The following ZNF486 variants were observed in gnomAD, a reference collection of about 807,000 sequenced individuals.
The protein encoded by ZNF486 is zinc finger protein 486, also known as KRAB box only protein 2.
Under a neutral mutation model 12.8 loss-of-function variants are expected in ZNF486, and 12 were observed. The observed-to-expected ratio is 0.94, with a 90% CI of 0.60 to 1.52. The LOEUF (loss-of-function observed/expected upper bound fraction) is 1.52. ZNF486 is among the 40% of genes most tolerant of loss of function. The pLI, the probability that ZNF486 is intolerant of heterozygous loss-of-function variation, is 0.00. For synonymous variants in ZNF486, 231 were observed against 184.9 expected, an observed-to-expected ratio of 1.25 and a Z score of -2.02; for missense variants, 738 against 545.0, an observed-to-expected ratio of 1.35 and a Z score of -3.53.
chr19:20,169,393 GCCACCGC>G (rs1326036634), intron 1 of ZNF486, among the ~76,000 whole-genome samples: 3 of 152,158 alleles, frequency 2.0e-5, no homozygotes, highest in Non-Finnish European at 2.9e-5. Flanking sequence ...ACATGCTTGC[GCCACCGC>G]GCCCGGCCAA....
At chr19:20,186,734 T>C (rs2122661926) in intron 3 of ZNF486, among the ~76,000 whole-genome samples, 1 of 151,870 alleles carries the variant, frequency 6.6e-6, no homozygotes, top group East Asian at 1.9e-4. Flanking sequence ...TCACTCTGGT[T>C]AATACGGCAA....
rs10408369 is a variant in ZNF486 at position 20,195,574 on chromosome 19, C to T, written c.254-1390C>T. ...GGGCCATGTTCTAATATTTGGTATA[C>T]ATTATCATCTTTGATAGAGATTTGG... is the stretch of plus-strand genomic sequence containing the variant. On this transcript the variant is annotated intron_variant, in intron 3 of 3. Coordinates refer to ENST00000335117, the MANE Select transcript of ZNF486 (RefSeq NM_052852.4). Among the ~76,000 whole-genome samples, 962 of 152,240 alleles carry T rather than the reference C, an allele frequency of 6.3e-3. 7 individuals carry two copies. Among genetic ancestry groups the T allele is most frequent in the African/African-American group, 0.022 (915 of 41,542 alleles).
At position 20,184,349 on chromosome 19, in the gene ZNF486, T is replaced by G. The variant is rs781875465; in HGVS notation, c.31-7T>G. On this transcript the variant is annotated splice_region_variant and splice_polypyrimidine_tract_variant and intron_variant, in intron 1 of 3. Transcript: ENST00000335117. The stretch of plus-strand genomic sequence containing the variant: ...GGTGAAAATGTGTGTGTGTGTGTGT[T>G]TTTCAGGAATCATTGCAATTTAGAG... The G allele has an allele frequency of 6.8e-6, 11 of 1,611,898 alleles. No homozygotes were observed. The highest frequency in any genetic ancestry group is 8.5e-6 in the Non-Finnish European group (10 of 1,178,830).
intron 1 of ZNF486, among the ~76,000 whole-genome samples, chr19:20,179,903 T>A (rs1405605367): frequency 6.6e-6 from 1 of 152,194 alleles, no homozygotes; most frequent in South Asian, 2.1e-4. Context: ...AGAGCCTTGA[T>A]CACAACTATA....
chr19:20,173,301 A>G (rs1464210059), intron 1 of ZNF486, among the ~76,000 whole-genome samples: 1 of 152,170 alleles, frequency 6.6e-6, no homozygotes, highest in Non-Finnish European at 1.5e-5. Flanking sequence ...TTATTCTAGC[A>G]CCATTTATTA....
intron 1 of ZNF486, chr19:20,176,572 C>T (rs369335899): frequency 2.8e-4 from 50 of 176,782 alleles, no homozygotes; most frequent in African/African-American, 1.1e-3. Flanking sequence ...TCTGCAATCC[C>T]GGCACCTCAG....
chr19:20,186,384 G>A (rs143881968), intron 3 of ZNF486, among the ~76,000 whole-genome samples: 116 of 152,206 alleles, frequency 7.6e-4, no homozygotes, highest in Middle Eastern at 6.8e-3. Flanking sequence ...CTGCTTTTCC[G>A]TTGCCTTGGG....
At chr19:20,178,320 T>A (rs1367682935) in intron 1 of ZNF486, among the ~76,000 whole-genome samples, 1 of 152,128 alleles carries the variant, frequency 6.6e-6, no homozygotes, top group Admixed American at 6.5e-5. Flanking sequence ...CTCGGCTCAC[T>A]GCAAGCTCCA....
intron 1 of ZNF486, among the ~76,000 whole-genome samples, chr19:20,181,383 C>G (rs1361628205): frequency 6.6e-6 from 1 of 152,042 alleles, no homozygotes; most frequent in Admixed American, 6.6e-5. Flanking sequence ...ACTAAGAATA[C>G]AAAAAATTAG....
intron 1 of ZNF486, among the ~76,000 whole-genome samples, chr19:20,183,860 T>C (rs2068198): frequency 0.046 from 7,043 of 152,162 alleles, 578 homozygotes; most frequent in African/African-American, 0.16. Flanking sequence ...TTTGACAAAA[T>C]ATCATTTTTG....
chr19:20,172,877 G>A (rs958995455), intron 1 of ZNF486, among the ~76,000 whole-genome samples: 1 of 151,976 alleles, frequency 6.6e-6, no homozygotes, highest in Non-Finnish European at 1.5e-5. Flanking sequence ...TCCTGACCTC[G>A]TGATACACCC....
chr19:20,178,505 G>A (rs2089748749), intron 1 of ZNF486, among the ~76,000 whole-genome samples: 1 of 152,116 alleles, frequency 6.6e-6, no homozygotes, highest in Admixed American at 6.6e-5. Flanking sequence ...GCCTCCCAAA[G>A]TGCTGGGATT....
chr19:20,186,729 C>G (rs1459314871), intron 3 of ZNF486, among the ~76,000 whole-genome samples: 3 of 149,320 alleles, frequency 2.0e-5, no homozygotes, highest in Non-Finnish European at 4.4e-5. Context: ...ATAGATCACT[C>G]TGGTTAATAC....
intron 1 of ZNF486, among the ~76,000 whole-genome samples, chr19:20,171,820 TA>T (rs2089650939): frequency 6.6e-6 from 1 of 152,200 alleles, no homozygotes; most frequent in Non-Finnish European, 1.5e-5. Context: ...GTCACTGAGG[TA>T]CTACCCATAG....
chr19:20,174,493 A>T (rs1241624883), intron 1 of ZNF486, among the ~76,000 whole-genome samples: 3 of 151,444 alleles, frequency 2.0e-5, no homozygotes, highest in Non-Finnish European at 4.4e-5. Flanking sequence ...GGTTCAAGCG[A>T]TTCTCCTGCC....
intron 1 of ZNF486, 121 bp downstream of exon 1, chr19:20,167,481 C>T: frequency 8.4e-7 from 1 of 1,187,994 alleles, no homozygotes; most frequent in Non-Finnish European, 1.2e-6. Flanking sequence ...TTCTCCTTAC[C>T]CAGCTCGGCC....
In ZNF486 at chr19:20,199,436, A is replaced by G. The variant is rs999376096; in HGVS notation, c.*1334A>G. On this transcript the variant is annotated 3_prime_UTR_variant, in exon 4 of 4. Transcript: ENST00000335117. ...TAATGAGTTTGGAAACACTTCTTAG[A>G]TAAATTATTTGTGGCTGGGCACAGT... 2 of 152,200 alleles carry G rather than the reference A, an allele frequency of 1.3e-5. No homozygotes were observed. The highest frequency in any genetic ancestry group is 4.8e-5 in the African/African-American group (2 of 41,456). 9.4% of individuals were successfully genotyped at this position (152,200 alleles called of 1,614,324 possible).
At chr19:20,188,759 A>T (rs1400242919) in intron 3 of ZNF486, 1 of 286,786 alleles carries the variant, frequency 3.5e-6, no homozygotes, top group Non-Finnish European at 6.4e-6. Flanking sequence ...ATACCCATTA[A>T]ATAACAACTG....
At chr19:20,176,432 G>C (rs549461418) in intron 1 of ZNF486, 1 of 203,690 alleles carries the variant, frequency 4.9e-6, no homozygotes. Context: ...TGGCGGCCGG[G>C]CAGAGGCTGC....
Sources: allele counts gnomAD v4.1 joint callset (sites outside exome capture counted in the v4.1 genomes callset), GRCh38; gene constraint gnomAD v4.1.1; transcripts MANE v1.5; gene names NCBI Gene and HGNC (gene_info 2026-07-23, HGNC 2026-07-21).